The following NFKB1 variants were observed in gnomAD, a reference collection of about 807,000 sequenced individuals.
The protein encoded by NFKB1 is nuclear factor NF-kappa-B p105 subunit.
A neutral mutation model predicts 105.1 loss-of-function variants in NFKB1; 9 were observed. The observed-to-expected ratio is 0.09, with a 90% CI of 0.05 to 0.15. The LOEUF is 0.15. NFKB1 is among the 10% of genes least tolerant of loss of function. NFKB1 has a pLI of 1.00. For missense variants in NFKB1, 830 were observed against 1,203.7 expected (o/e 0.69, Z 4.59); for synonymous variants, 440 against 442.2 (o/e 1.00, Z 0.06).
Position 102,594,965 on chromosome 4 carries a change from TGCTGGGATGAA to T in NFKB1, c.1287_1297del (p.Gly430TrpfsTer6). 6.2e-7 allele frequency: 1 copy of T among 1,608,076 alleles called. No individual in the cohort carries two copies. The highest frequency in any genetic ancestry group is 1.1e-5 in the South Asian group (1 of 90,544). On this transcript the variant is annotated frameshift_variant, in exon 13 of 24. Coordinates refer to ENST00000226574, the MANE Select transcript of NFKB1 (RefSeq NM_003998.4). LOFTEE classifies it high-confidence loss of function. The stretch of plus-strand genomic sequence containing the variant: ...TCCATCCTGGAACTACTAAATCTAA[TGCTGGGATGAA>T]GCATGGTAAGTAATGCTTTGTTCTT...
intron 1 of NFKB1, among the ~76,000 whole-genome samples, chr4:102,521,673 A>T (rs1025332427): frequency 6.6e-6 from 1 of 152,152 alleles, no homozygotes; most frequent in Non-Finnish European, 1.5e-5. Flanking sequence ...GCGTGCCCCC[A>T]ACTCCATCCT....
chr4:102,600,702 G>T (rs1295202994), intron 15 of NFKB1, among the ~76,000 whole-genome samples, 193 bp from the exon 16 acceptor site: 2 of 152,334 alleles, frequency 1.3e-5, no homozygotes, highest in African/African-American at 4.8e-5. Context: ...TGGGTAGGCA[G>T]TTGGGAGGGA....
At chr4:102,546,179 C>G (rs922375848) in intron 5 of NFKB1, among the ~76,000 whole-genome samples, 1 of 151,944 alleles carries the variant, frequency 6.6e-6, no homozygotes, top group African/African-American at 2.4e-5. Context: ...TTTTATAAAG[C>G]CTGGGTGGAA....
intron 1 of NFKB1, among the ~76,000 whole-genome samples, chr4:102,502,917 A>G (rs1031693817): frequency 6.6e-6 from 1 of 152,220 alleles, no homozygotes; most frequent in Non-Finnish European, 1.5e-5. Flanking sequence ...AGTAAATAGT[A>G]AAGGTTAGGG....
chr4:102,525,629 TAGTA>T (rs1740860379), intron 2 of NFKB1, 72 bp downstream of exon 2: 1 of 1,341,974 alleles, frequency 7.5e-7, no homozygotes, highest in African/African-American at 1.5e-5. Context: ...AAGGCAACAT[TAGTA>T]AGTTAGCATT....
At position 102,595,975 on chromosome 4, in the gene NFKB1, G is replaced by A. The variant is rs1298288280; in HGVS notation, c.1301-163G>A. 2.0e-5 allele frequency among the ~76,000 whole-genome samples: 3 copies of A among 152,054 alleles called. No individual in the cohort carries two copies. The South Asian group carries it at 6.2e-4, about 32-fold the overall frequency. ...GAGTTTAGAATATCTCCAAAACATG[G>A]TATTTATGATATGACCATTTTTAAA... is the stretch of plus-strand genomic sequence containing the variant. On this transcript the variant is annotated intron_variant, in intron 13 of 23. Coordinates refer to ENST00000226574, the MANE Select transcript of NFKB1 (RefSeq NM_003998.4).
At chr4:102,604,633 C>T (rs1389262584) in intron 16 of NFKB1, among the ~76,000 whole-genome samples, 2 of 151,234 alleles carry the variant, frequency 1.3e-5, no homozygotes, top group African/African-American at 4.9e-5. Context: ...TGTTTCAGCT[C>T]CTGAAGAGAA....
chr4:102,506,904 T>A (rs1739450283), intron 1 of NFKB1, among the ~76,000 whole-genome samples: 1 of 151,208 alleles, frequency 6.6e-6, no homozygotes, highest in Non-Finnish European at 1.5e-5. Flanking sequence ...GTATATTAAA[T>A]ATACTGATAT....
intron 7 of NFKB1, 41 bp from the exon 8 acceptor site, chr4:102,578,840 C>T: frequency 1.1e-5 from 18 of 1,580,782 alleles, no homozygotes; most frequent in Non-Finnish European, 1.4e-5. Context: ...TAAATGTTCA[C>T]ACTTCCCTGG....
intron 13 of NFKB1, among the ~76,000 whole-genome samples, chr4:102,595,655 G>A (rs965752595): frequency 1.2e-4 from 19 of 152,176 alleles, no homozygotes; most frequent in African/African-American, 4.6e-4. Context: ...CAGGTCTCCT[G>A]CAGAAAAGCT....
At chr4:102,565,739 T>C (rs1723812476) in intron 5 of NFKB1, among the ~76,000 whole-genome samples, 2 of 152,100 alleles carry the variant, frequency 1.3e-5, no homozygotes, top group African/African-American at 2.4e-5. Flanking sequence ...TTTCTACCTT[T>C]CTTTTTCTCT....
Position 102,563,728 on chromosome 4 carries a change from G to A in NFKB1, c.259-3259G>A, listed in dbSNP as rs148613837. On this transcript the variant is annotated intron_variant, in intron 5 of 23. Coordinates refer to ENST00000226574, the MANE Select transcript of NFKB1 (RefSeq NM_003998.4). ...CTATCTTCAAGCCCAGCTGGTTTGC[G>A]CCTAAAGTCCATGCTCTTACAGTGT... Among the ~76,000 whole-genome samples the A allele has an allele frequency of 3.8e-3, 572 of 151,676 alleles. 4 individuals are homozygous for A. Among genetic ancestry groups the A allele is most frequent in the African/African-American group, 0.013 (546 of 41,330 alleles).
intron 8 of NFKB1, 21 bp downstream of exon 8, chr4:102,579,060 A>T (rs760333390): frequency 6.2e-7 from 1 of 1,606,162 alleles, no homozygotes; most frequent in Non-Finnish European, 8.5e-7. Flanking sequence ...CACTTCCAAC[A>T]GGGGGCACAC....
intron 18 of NFKB1, 124 bp downstream of exon 18, chr4:102,607,443 A>G (rs1727879320): frequency 4.2e-6 from 5 of 1,193,462 alleles, no homozygotes; most frequent in Non-Finnish European, 4.8e-6. Flanking sequence ...TTTAACATTT[A>G]TGGAGGGCTT....
intron 19 of NFKB1, 106 bp from the exon 20 acceptor site, chr4:102,610,469 G>A (rs1728291943): frequency 2.7e-6 from 3 of 1,110,668 alleles, no homozygotes; most frequent in Admixed American, 2.2e-5. Context: ...CCAGGAGATT[G>A]CCTCAAGCTG....
At chr4:102,521,422 G>T (rs1341009948) in intron 1 of NFKB1, among the ~76,000 whole-genome samples, 3 of 152,148 alleles carry the variant, frequency 2.0e-5, no homozygotes, top group African/African-American at 7.2e-5. Flanking sequence ...CACCTAAGTG[G>T]TGTCTGTTGT....
intron 15 of NFKB1, 137 bp from the exon 16 acceptor site, chr4:102,600,758 A>G: frequency 1.5e-6 from 1 of 657,556 alleles, no homozygotes; most frequent in Non-Finnish European, 2.7e-6. Context: ...AATGCATTTT[A>G]TAGATTCAAA....
chr4:102,543,549 G>A lies in NFKB1; in HGVS notation c.258+5593G>A, dbSNP rs1172573379. Among the ~76,000 whole-genome samples the A allele has an allele frequency of 2.0e-5, 3 of 148,910 alleles. No homozygotes were observed. In the East Asian group the frequency reaches 6.1e-4, roughly 30 times the overall value. The stretch of plus-strand genomic sequence containing the variant: ...GTGTTTTATGTTGAGTGGAAGACGT[G>A]TTGAAATGTTTAGGTCAACAACAGC... On this transcript the variant is annotated intron_variant, in intron 5 of 23. Coordinates refer to ENST00000226574, the MANE Select transcript of NFKB1 (RefSeq NM_003998.4).
At chr4:102,515,429 G>A (rs1740108125) in intron 1 of NFKB1, among the ~76,000 whole-genome samples, 2 of 152,056 alleles carry the variant, frequency 1.3e-5, no homozygotes, top group African/African-American at 4.8e-5. Context: ...ATTATTACTG[G>A]TATGTTGGGT....
Sources: allele counts gnomAD v4.1 joint callset (sites outside exome capture counted in the v4.1 genomes callset), GRCh38; gene constraint gnomAD v4.1.1; transcripts MANE v1.5; gene names NCBI Gene and HGNC (gene_info 2026-07-23, HGNC 2026-07-21).